The following DYNC2LI1 variants were observed in gnomAD, a reference collection of about 807,000 sequenced individuals.
DYNC2LI1 encodes the protein dynein cytoplasmic 2 light intermediate chain 1, also known as cytoplasmic dynein 2 light intermediate chain 1.
A neutral mutation model predicts 51.9 loss-of-function variants in DYNC2LI1; 45 were observed. The ratio of observed to expected loss-of-function variants is 0.87; its 90% confidence interval spans 0.68 to 1.11. DYNC2LI1 has a LOEUF of 1.11. Ranked by LOEUF, DYNC2LI1 falls within the 50% of genes most tolerant of loss-of-function variation. DYNC2LI1 has a pLI of 0.00. For missense variants in DYNC2LI1, 490 were observed against 417.4 expected, an observed-to-expected ratio of 1.17 and a Z score of -1.51; for synonymous variants, 130 against 137.8, an observed-to-expected ratio of 0.94 and a Z score of 0.40.
At chr2:43,824,109 T>G in the DYNC2LI1 span, 70 of 1,614,098 alleles carry the variant, frequency 4.3e-5, no homozygotes, top group Non-Finnish European at 4.9e-5. Flanking sequence ...CCAAGTTTCT[T>G]GTCACTCTCC....
chr2:43,824,805 C>G, the DYNC2LI1 span: 4 of 1,582,034 alleles, frequency 2.5e-6, no homozygotes, highest in Non-Finnish European at 3.5e-6. Context: ...ATCAAATCCA[C>G]TAGACTGGTG....
At chr2:43,792,792 G>A (rs1673853491) in intron 5 of DYNC2LI1, 2 of 1,531,290 alleles carry the variant, frequency 1.3e-6, no homozygotes, top group Non-Finnish European at 1.7e-6. Context: ...TTAGCATAAC[G>A]TCTTCAGGGT....
intron 4 of DYNC2LI1, among the ~76,000 whole-genome samples, chr2:43,788,569 A>G (rs1673630084): frequency 6.6e-6 from 1 of 152,174 alleles, no homozygotes; most frequent in South Asian, 2.1e-4. Flanking sequence ...CAGAAATGCC[A>G]TTAGCCAACA....
chr2:43,812,651 C>G (rs1666542645), downstream of DYNC2LI1: 2 of 187,878 alleles, frequency 1.1e-5, no homozygotes, highest in South Asian at 2.2e-4. Context: ...CAGAAGCATT[C>G]TTACCCAATT....
chr2:43,805,072 G>A (rs1666201468), intron 11 of DYNC2LI1, 82 bp from the exon 12 acceptor site: 1 of 859,976 alleles, frequency 1.2e-6, no homozygotes, highest in Admixed American at 2.2e-5. Flanking sequence ...GCTGAGGAAT[G>A]GGAGCTTGGT....
At chr2:43,809,153 A>T (rs1264006728) in intron 12 of DYNC2LI1, among the ~76,000 whole-genome samples, 1 of 151,948 alleles carries the variant, frequency 6.6e-6, no homozygotes, top group African/African-American at 2.4e-5. Flanking sequence ...ATGCCTGGAT[A>T]ATTATTTTTC....
chr2:43,789,793 T>C, intron 5 of DYNC2LI1, 72 bp downstream of exon 5: 1 of 1,364,834 alleles, frequency 7.3e-7, no homozygotes, highest in Non-Finnish European at 1.0e-6. Context: ...AGTTGGCTTT[T>C]CTCAGTCAGA....
chr2:43,786,511 G>A (rs1673527620), intron 3 of DYNC2LI1, among the ~76,000 whole-genome samples: 1 of 152,070 alleles, frequency 6.6e-6, no homozygotes, highest in Admixed American at 6.5e-5. Flanking sequence ...TAAATTGACA[G>A]TCATTAGGTT....
chr2:43,782,091 T>C (rs1428398176), intron 2 of DYNC2LI1, among the ~76,000 whole-genome samples: 1 of 152,018 alleles, frequency 6.6e-6, no homozygotes, highest in Non-Finnish European at 1.5e-5. Flanking sequence ...CATGCTGATC[T>C]ATTATGAATG....
At chr2:43,805,345 G>A (rs1234642907) in intron 12 of DYNC2LI1, 99 bp downstream of exon 12, 15 of 651,022 alleles carry the variant, frequency 2.3e-5, no homozygotes, top group African/African-American at 3.7e-5. Flanking sequence ...TATTTACTTA[G>A]AGTATCTTCT....
At chr2:43,790,128 T>A (rs1673707155) in intron 5 of DYNC2LI1, among the ~76,000 whole-genome samples, 1 of 152,214 alleles carries the variant, frequency 6.6e-6, no homozygotes, top group African/African-American at 2.4e-5. Context: ...TTGAATTTAG[T>A]GCTAATTAAT....
At chr2:43,811,227 T>C (rs1329970002), downstream of DYNC2LI1, among the ~76,000 whole-genome samples, 1 of 152,214 alleles carries the variant, frequency 6.6e-6, no homozygotes, top group African/African-American at 2.4e-5. Flanking sequence ...TGATGTGACA[T>C]ATATAATCTG....
chr2:43,813,036 A>G (rs1666562495), downstream of DYNC2LI1: 1 of 746,706 alleles, frequency 1.3e-6, no homozygotes, highest in South Asian at 1.4e-5. Context: ...AAAGAAATAC[A>G]TGGCACTCTC....
At chr2:43,810,300 T>G, downstream of DYNC2LI1, 2 of 934,716 alleles carry the variant, frequency 2.1e-6, no homozygotes, top group Non-Finnish European at 2.6e-6. Context: ...TGGTCTGGAA[T>G]GGGGCATTTT....
At chr2:43,828,063 A>T in the DYNC2LI1 span, 3 of 1,614,126 alleles carry the variant, frequency 1.9e-6, no homozygotes, top group Admixed American at 1.7e-5. Context: ...GTAGTTGCCA[A>T]TCAGTCGGTC....
chr2:43,795,797 C>T (rs2104698777), intron 6 of DYNC2LI1, 93 bp from the exon 7 acceptor site: 1 of 949,592 alleles, frequency 1.1e-6, no homozygotes, highest in Non-Finnish European at 1.7e-6. Flanking sequence ...TATGAAGAGA[C>T]TGAAAATGGA....
At chr2:43,783,631 A>G in intron 3 of DYNC2LI1, 77 bp downstream of exon 3, 1 of 906,422 alleles carries the variant, frequency 1.1e-6, no homozygotes. Flanking sequence ...TAAAAGACAT[A>G]AGGAAGGGGA....
chr2:43,815,996 T>G, the DYNC2LI1 span, among the ~76,000 whole-genome samples: 20,270 of 151,088 alleles, frequency 0.13, 1,756 homozygotes, highest in Admixed American at 0.22. Flanking sequence ...GGCCATGAGA[T>G]GGTGGCTGCC....
the DYNC2LI1 span, chr2:43,824,501 T>C: frequency 6.2e-7 from 1 of 1,600,028 alleles, no homozygotes; most frequent in Non-Finnish European, 8.5e-7. Context: ...GATATACAAT[T>C]GGTACAGGAG....
Sources: gnomAD v4.1 joint callset for allele counts (sites outside exome capture counted in the v4.1 genomes callset) on GRCh38, gnomAD v4.1.1 for gene constraint, MANE v1.5 for transcripts, NCBI Gene and HGNC (gene_info 2026-07-23, HGNC 2026-07-21) for gene names.